COL5A1: variants seen among roughly 807,000 people sequenced by gnomAD.
COL5A1 encodes the protein collagen type V alpha 1 chain, also known as collagen alpha-1(V) chain.
In COL5A1, 16 loss-of-function variants were observed where a neutral mutation model predicts 263.7. The observed-to-expected ratio is 0.06, with a 90% CI of 0.04 to 0.09. The LOEUF (loss-of-function observed/expected upper bound fraction) is 0.09, where lower values mean the gene tolerates loss of function less well. Among genes scored for constraint, COL5A1 ranks in the 10% least tolerant of loss-of-function variants. The pLI, the probability that COL5A1 is intolerant of heterozygous loss-of-function variation, is 1.00. For missense variants in COL5A1, 2,036 were observed against 2,540.5 expected, an observed-to-expected ratio of 0.80 and a Z score of 4.27; for synonymous variants, 1,012 against 1,004.5, an observed-to-expected ratio of 1.01 and a Z score of -0.14.
chr9:134,642,451 C>A lies in COL5A1; in HGVS notation c.109+155C>A, dbSNP rs1175789627. Among the ~76,000 whole-genome samples, 1 of 150,496 alleles carries A rather than the reference C, an allele frequency of 6.6e-6. No homozygotes were observed. The highest frequency in any genetic ancestry group is 1.5e-5 in the Non-Finnish European group (1 of 67,528). ...GAATGCCATTTGCTGGGGGCCCCCC[C>A]GAGATGACGACACGCAGACACAATG... is the stretch of plus-strand genomic sequence containing the variant. On this transcript the variant is annotated intron_variant, in intron 1 of 65. Coordinates refer to ENST00000371817, the MANE Select transcript of COL5A1 (RefSeq NM_000093.5). The surrounding 1 kb of genome is among the most constrained non-coding windows in gnomAD (Gnocchi z 4.5).
At position 134,731,204 on chromosome 9, in the gene COL5A1, G is replaced by A. The variant is rs148806660; in HGVS notation, c.1165-292G>A. Among the ~76,000 whole-genome samples the A allele has an allele frequency of 2.3e-4, 35 of 152,312 alleles. No individual in the cohort carries two copies. The East Asian group carries it at 6.6e-3, about 29-fold the overall frequency. ...CAGCACCGCCCTGGGATGCATTATC[G>A]CAAGACCCTGGGGCTGTGGGGTGCA... On this transcript the variant is annotated intron_variant, in intron 7 of 65. Coordinates refer to ENST00000371817, the MANE Select transcript of COL5A1 (RefSeq NM_000093.5).
chr9:134,768,291 C>T, intron 24 of COL5A1, 119 bp from the exon 25 acceptor site: 1 of 964,094 alleles, frequency 1.0e-6, no homozygotes, highest in Middle Eastern at 2.1e-4. Context: ...TGCCTCTGAC[C>T]ACACTTCTCA....
chr9:134,762,501 C>T (rs1056780863), intron 19 of COL5A1, among the ~76,000 whole-genome samples: 7 of 152,282 alleles, frequency 4.6e-5, no homozygotes, highest in South Asian at 2.1e-4. Flanking sequence ...CCAGCATGGA[C>T]GCACAGGCCG....
chr9:134,831,041 C>A (rs1379324304), intron 64 of COL5A1, among the ~76,000 whole-genome samples: 2 of 152,228 alleles, frequency 1.3e-5, no homozygotes, highest in African/African-American at 4.8e-5. Flanking sequence ...CCAGTGGCCC[C>A]ACTCCCAGGT....
At position 134,809,200 on chromosome 9, in the gene COL5A1, A is replaced by C. The variant is rs1303872314; in HGVS notation, c.3384A>C (p.Gln1128His). 1.3e-6 allele frequency: 2 copies of C among 1,590,854 alleles called. No homozygotes were observed. ...EKGAPGEKGP[Q>H]GPAGRDGLQG... Reference sequence around the variant, plus strand: ...TTCTCTAGGGCGAGAAAGGCCCACAAGGCCCAGCTGGCCGAGACGGTCTCC... The same window carrying C: ...TTCTCTAGGGCGAGAAAGGCCCACACGGCCCAGCTGGCCGAGACGGTCTCC... Residue 1128 changes from glutamine (Q) to histidine (H), a missense_variant, in exon 43 of 66, where the codon CAA becomes CAC. Gln to His is a conservative substitution (Grantham distance 24). Around this residue, in one of 3 missense-constraint regions of COL5A1, gnomAD observed 1,078 missense variants for 1,521.4 expected, o/e 0.71. Transcript: ENST00000371817.
chr9:134,730,449 A>G lies in COL5A1; in HGVS notation c.1138A>G (p.Thr380Ala). 1 of 1,614,026 alleles carries G rather than the reference A, an allele frequency of 6.2e-7. No individual in the cohort carries two copies. The highest frequency in any genetic ancestry group is 8.5e-7 in the Non-Finnish European group (1 of 1,180,016). The change falls in exon 7 of 66, where the codon ACC becomes GCC. Residue 380 changes from threonine (T) to alanine (A), a missense_variant. By Grantham distance (58) the Thr-to-Ala change is moderately conservative. This residue lies in a region of COL5A1 where 600 missense variants were observed against 634.5 expected (regional missense o/e 0.95). Coordinates refer to ENST00000371817, the MANE Select transcript of COL5A1 (RefSeq NM_000093.5). ...CGCTGGGGCCGAAATTCCCACCAGC[A>G]CCGCCGACACCTCCAACTCCTCCAA... is the stretch of plus-strand genomic sequence containing the variant. ...PGAGAEIPTS[T>A]ADTSNSSNPA...
chr9:134,718,454 C>A (rs1834346303), intron 4 of COL5A1, among the ~76,000 whole-genome samples: 1 of 152,236 alleles, frequency 6.6e-6, no homozygotes, highest in Non-Finnish European at 1.5e-5. Context: ...CTTTGGGCAG[C>A]CACAGGGCCA....
chr9:134,670,831 G>A (rs755146822), intron 1 of COL5A1, among the ~76,000 whole-genome samples: 24 of 152,304 alleles, frequency 1.6e-4, no homozygotes, highest in African/African-American at 5.5e-4. Flanking sequence ...TCCCCACTGC[G>A]GTGATGGAGT....
chr9:134,804,806 G>A (rs959812604), intron 39 of COL5A1, among the ~76,000 whole-genome samples, 169 bp from the exon 40 acceptor site: 2 of 151,992 alleles, frequency 1.3e-5, no homozygotes, highest in Non-Finnish European at 2.9e-5. Flanking sequence ...GGTCTGTGTC[G>A]CTGGCTCCAG....
rs946911136 is a variant in COL5A1 at position 134,682,790 on chromosome 9, A to G, written c.110-8122A>G. ...TGGGGCCAGGGGAGCATCCCTGTGC[A>G]TTTGTTGGCAAAAAGGAGCAGGCTC... On this transcript the variant is annotated intron_variant, in intron 1 of 65. Coordinates refer to ENST00000371817, the MANE Select transcript of COL5A1 (RefSeq NM_000093.5). The surrounding 1 kb of genome is among the most constrained non-coding windows in gnomAD (Gnocchi z 5.1). Among the ~76,000 whole-genome samples the G allele has an allele frequency of 6.6e-6, 1 of 152,146 alleles. No individual in the cohort carries two copies. Among genetic ancestry groups the G allele is most frequent in the Admixed American group, 6.5e-5 (1 of 15,278 alleles).
rs181684013 is a variant in COL5A1 at position 134,650,199 on chromosome 9, T to A, written c.109+7903T>A. Among the ~76,000 whole-genome samples the A allele has an allele frequency of 2.6e-3, 395 of 152,246 alleles. 2 individuals carry two copies. Among genetic ancestry groups the A allele is most frequent in the South Asian group, 3.7e-3 (18 of 4,806 alleles). ...TAAAGTATAATAAAAAAAATTTTTT[T>A]AAATGTGTGTATGTAGCAGGAGTGA... On this transcript the variant is annotated intron_variant, in intron 1 of 65. Transcript: ENST00000371817.
In COL5A1 at chr9:134,789,306, C is replaced by A; in HGVS notation, c.2700+98C>A. 9.9e-7 allele frequency: 1 copy of A among 1,010,096 alleles called. No homozygotes were observed. The highest frequency in any genetic ancestry group is 1.6e-5 in the African/African-American group (1 of 63,376). 62.6% of individuals were successfully genotyped at this position (1,010,096 alleles called of 1,614,324 possible). The stretch of plus-strand genomic sequence containing the variant: ...CGACGGCCTGTTTATTTCTCACTCT[C>A]TTGCTTCTGAAACTGCTCTCCTGAA... On this transcript the variant is annotated intron_variant, in intron 32 of 65. Coordinates refer to ENST00000371817, the MANE Select transcript of COL5A1 (RefSeq NM_000093.5). This position sits in a 1 kb window ranked among gnomAD's most constrained non-coding sequence, Gnocchi z 4.8.
intron 40 of COL5A1, 33 bp from the exon 41 acceptor site, chr9:134,805,128 G>C (rs201582570): frequency 5.0e-6 from 8 of 1,613,748 alleles, no homozygotes; most frequent in Non-Finnish European, 6.8e-6. Flanking sequence ...CTCTCCCCAC[G>C]TGCCCTTGAC....
intron 44 of COL5A1, among the ~76,000 whole-genome samples, chr9:134,810,831 C>T (rs867999429): frequency 2.6e-5 from 4 of 152,028 alleles, no homozygotes; most frequent in South Asian, 2.1e-4. Context: ...AAGCAGGATC[C>T]GTGCTCCTGG....
At chr9:134,739,031 C>T (rs1835206558) in intron 11 of COL5A1, among the ~76,000 whole-genome samples, 1 of 152,242 alleles carries the variant, frequency 6.6e-6, no homozygotes, top group Non-Finnish European at 1.5e-5. Flanking sequence ...GCCCAGGGAG[C>T]CTGCCAGTGC....
At chr9:134,753,717 C>T (rs567093235) in intron 14 of COL5A1, 133 bp from the exon 15 acceptor site, 40 of 703,760 alleles carry the variant, frequency 5.7e-5, no homozygotes, top group African/African-American at 5.2e-4. Context: ...GCAGACAGGT[C>T]GCGCTTTGTG....
chr9:134,749,965 C>T lies in COL5A1; in HGVS notation c.1495-577C>T, dbSNP rs533704855. On this transcript the variant is annotated intron_variant, in intron 11 of 65. Coordinates refer to ENST00000371817, the MANE Select transcript of COL5A1 (RefSeq NM_000093.5). ...GCTGGGCGTGAGGAGGGCACTGTGTCGTTTACATATAAGTGGGTTCTTGAA... is the reference window on the plus strand; with the variant it reads ...GCTGGGCGTGAGGAGGGCACTGTGTTGTTTACATATAAGTGGGTTCTTGAA... 2.4e-4 allele frequency among the ~76,000 whole-genome samples: 37 copies of T among 152,292 alleles called. 1 individual carries two copies. Among genetic ancestry groups the T allele is most frequent in the African/African-American group, 8.2e-4 (34 of 41,554 alleles).
intron 11 of COL5A1, among the ~76,000 whole-genome samples, chr9:134,739,912 G>A (rs1004154890): frequency 5.3e-5 from 8 of 152,176 alleles, no homozygotes; most frequent in Non-Finnish European, 1.0e-4. Context: ...GCCTTTGGAG[G>A]AGAAGGATTC....
intron 1 of COL5A1, among the ~76,000 whole-genome samples, chr9:134,687,794 A>G (rs1057383074): frequency 2.0e-5 from 3 of 152,196 alleles, no homozygotes; most frequent in Non-Finnish European, 4.4e-5. Context: ...AGAAAAGGGC[A>G]AAAGAGAGGG....
Sources: allele counts gnomAD v4.1 joint callset (sites outside exome capture counted in the v4.1 genomes callset), GRCh38; gene constraint gnomAD v4.1.1; regional missense constraint gnomAD v4.1.1; non-coding constraint Gnocchi (gnomAD v3.1); transcripts MANE v1.5; gene names NCBI Gene and HGNC (gene_info 2026-07-23, HGNC 2026-07-21).